Variants in FAM20C observed in about 807,000 individuals in gnomAD.
FAM20C encodes extracellular serine/threonine protein kinase FAM20C.
A neutral mutation model predicts 51.5 loss-of-function variants in FAM20C; 40 were observed. The ratio of observed to expected loss-of-function variants is 0.78; its 90% CI spans 0.60 to 1.01. The LOEUF (loss-of-function observed/expected upper bound fraction) is 1.01. Among genes scored for constraint, FAM20C ranks in the 50% least tolerant of loss-of-function variants. FAM20C has a pLI of 0.00. For synonymous variants in FAM20C, 406 were observed against 380.6 expected (o/e 1.07, Z -0.78); for missense variants, 861 against 844.7 (o/e 1.02, Z -0.24).
rs867472405 is a variant in FAM20C, at chr7:258,018, T to A, written c.1446-628T>A. Reference sequence around the variant, plus strand: ...CTGCCTGGGGTGCTGGAGATGGGGCTGGGTGGACCCACTGCCCGGGTGCTG... The same window carrying A: ...CTGCCTGGGGTGCTGGAGATGGGGCAGGGTGGACCCACTGCCCGGGTGCTG... On this transcript the variant is annotated intron_variant, in intron 8 of 9. Coordinates refer to ENST00000313766, the MANE Select transcript of FAM20C (RefSeq NM_020223.4). Among the ~76,000 whole-genome samples the A allele has an allele frequency of 3.0e-3, 44 of 14,744 alleles. 2 individuals are homozygous for A. Among genetic ancestry groups the A allele is most frequent in the African/African-American group, 0.011 (31 of 2,952 alleles). 9.7% of individuals were successfully genotyped at this position (14,744 alleles called of 152,430 possible). A position where few individuals can be genotyped will look rare whatever the true frequency, so the allele number is the denominator to read the frequency against.
At chr7:248,507 C>T in intron 5 of FAM20C, 77 bp downstream of exon 5, 1 of 1,162,726 alleles carries the variant, frequency 8.6e-7, no homozygotes, top group Non-Finnish European at 1.2e-6. Context: ...CTCCAGGTAG[C>T]CTGGCACGGG....
At chr7:258,777 G>A (rs1196401838) in intron 9 of FAM20C, 72 bp downstream of exon 9, 2 of 1,402,018 alleles carry the variant, frequency 1.4e-6, no homozygotes, top group Admixed American at 4.5e-5. Flanking sequence ...GGAGGCCACA[G>A]CCTTCCCCAC....
In FAM20C at chr7:257,873, T is replaced by TGGAGATGCCCG. The variant is rs1562401060; in HGVS notation, c.1446-771_1446-770insAGATGCCCGGG. On this transcript the variant is annotated intron_variant, in intron 8 of 9. Coordinates refer to ENST00000313766, the MANE Select transcript of FAM20C (RefSeq NM_020223.4). ...CTGCCTGGGGTGCTGGAGATGGGGC[T>TGGAGATGCCCG]GGGTGGACCCACTGCCCAGGATGCT... 7.5e-4 allele frequency among the ~76,000 whole-genome samples: 25 copies of TGGAGATGCCCG among 33,424 alleles called. 4 individuals are homozygous for TGGAGATGCCCG. Among genetic ancestry groups the TGGAGATGCCCG allele is most frequent in the East Asian group, 2.1e-3 (3 of 1,450 alleles). The allele number at this position is 33,424 out of a possible 152,430, so 21.9% of individuals were successfully genotyped here.
At chr7:231,621 G>T (rs1230988027) in intron 3 of FAM20C, among the ~76,000 whole-genome samples, 1 of 152,166 alleles carries the variant, frequency 6.6e-6, no homozygotes, top group African/African-American at 2.4e-5. Flanking sequence ...GTAAGCCCAA[G>T]TGTGGTCAGG....
intron 8 of FAM20C, among the ~76,000 whole-genome samples, 148 bp from the exon 9 acceptor site, chr7:258,480 ATGGGTGGGATGGACCCAC>A (rs1788736789): frequency 2.2e-5 from 3 of 137,432 alleles, no homozygotes; most frequent in Non-Finnish European, 3.1e-5. Flanking sequence ...GGTGCTGGAG[ATGGGTGGGATGGACCCAC>A]TGCCCGGGGT....
At chr7:257,727 C>T (rs138147527) in intron 8 of FAM20C, among the ~76,000 whole-genome samples, 2,703 of 142,792 alleles carry the variant, frequency 0.019, 110 homozygotes, top group African/African-American at 0.077. Flanking sequence ...TGGGGACAGG[C>T]GGGGTGGACC....
At chr7:220,408 G>T (rs898150195) in intron 3 of FAM20C, among the ~76,000 whole-genome samples, 1 of 105,592 alleles carries the variant, frequency 9.5e-6, no homozygotes, top group Middle Eastern at 4.4e-3. Context: ...TTAAATTCCC[G>T]GGGGGCGTGG....
chr7:203,270 C>T (rs1035454121), intron 2 of FAM20C, among the ~76,000 whole-genome samples: 3 of 152,258 alleles, frequency 2.0e-5, no homozygotes, highest in Admixed American at 2.0e-4. Flanking sequence ...CCGTCAGTCC[C>T]GTCCCCAGGA....
Position 193,451 on chromosome 7 carries a change from C to T in FAM20C, c.252C>T (p.Asn84=). The T allele has an allele frequency of 5.5e-6, 8 of 1,462,002 alleles. No individual in the cohort carries two copies. The highest frequency in any genetic ancestry group is 2.3e-5 in the Admixed American group (1 of 43,280). The allele number at this position is 1,462,002 out of a possible 1,614,324, so 90.6% of individuals were successfully genotyped here. ...CCGCCGGCGACGCGGGCTGGCCCAACAAGCACACGCTCCGCATCCTGCAGG... is the reference window on the plus strand; with the variant it reads ...CCGCCGGCGACGCGGGCTGGCCCAATAAGCACACGCTCCGCATCCTGCAGG... ...SSAAGDAGWP[N]KHTLRILQDF... Residue 84 remains asparagine, a synonymous_variant, in exon 1 of 10, where the codon AAC becomes AAT. Coordinates refer to ENST00000313766, the MANE Select transcript of FAM20C (RefSeq NM_020223.4).
At chr7:231,694 A>C (rs926370002) in intron 3 of FAM20C, among the ~76,000 whole-genome samples, 1 of 152,134 alleles carries the variant, frequency 6.6e-6, no homozygotes, top group Non-Finnish European at 1.5e-5. Flanking sequence ...AGCATCTGTG[A>C]GGGGCGCGTG....
intron 6 of FAM20C, 83 bp from the exon 7 acceptor site, chr7:256,569 AGT>A: frequency 9.0e-7 from 1 of 1,106,640 alleles, no homozygotes. Context: ...TCCCTGCCGC[AGT>A]GTTTCTCTTC....
chr7:230,900 G>A (rs749867695), intron 3 of FAM20C, among the ~76,000 whole-genome samples: 1 of 152,190 alleles, frequency 6.6e-6, no homozygotes, highest in Non-Finnish European at 1.5e-5. Context: ...GAAGGGAAAA[G>A]CGCCACATCA....
intron 2 of FAM20C, among the ~76,000 whole-genome samples, chr7:208,293 C>T (rs1786533577): frequency 6.6e-6 from 1 of 151,396 alleles, no homozygotes; most frequent in Admixed American, 6.6e-5. Flanking sequence ...GCACACCTGG[C>T]CGTCCCGTCG....
intron 2 of FAM20C, among the ~76,000 whole-genome samples, chr7:198,142 G>C (rs1277818555): frequency 1.3e-5 from 2 of 152,160 alleles, no homozygotes; most frequent in East Asian, 3.9e-4. Flanking sequence ...TTCTGGGGTG[G>C]GGACCCGTCC....
chr7:255,542 A>G (rs1788557165), intron 5 of FAM20C, among the ~76,000 whole-genome samples: 1 of 152,204 alleles, frequency 6.6e-6, no homozygotes, highest in African/African-American at 2.4e-5. Flanking sequence ...TTTCTTGACA[A>G]TATGAATGCA....
chr7:251,218 G>T (rs1451306973), intron 5 of FAM20C, among the ~76,000 whole-genome samples: 1 of 148,632 alleles, frequency 6.7e-6, no homozygotes, highest in Non-Finnish European at 1.5e-5. Context: ...GCACTGAGTG[G>T]CCGGGCACGG....
chr7:237,678 T>C (rs1787887932), intron 3 of FAM20C, among the ~76,000 whole-genome samples: 1 of 148,918 alleles, frequency 6.7e-6, no homozygotes, highest in African/African-American at 2.5e-5. Context: ...ATAGTGATGA[T>C]AGCCATGGGA....
Position 210,847 on chromosome 7 carries a change from G to A in FAM20C, c.863+1871G>A, listed in dbSNP as rs74608587. Among the ~76,000 whole-genome samples, 60 of 152,186 alleles carry A rather than the reference G, an allele frequency of 3.9e-4. 1 individual carries two copies. In the East Asian group the frequency reaches 9.7e-3, roughly 25 times the overall value. ...TGGTTGGAGAACGGTGACATTTACC[G>A]AGCCGCTGCTCTAACCCAGGCCCTG... is the stretch of plus-strand genomic sequence containing the variant. On this transcript the variant is annotated intron_variant, in intron 3 of 9. Transcript: ENST00000313766.
At chr7:259,063 G>A (rs1360826199) in intron 9 of FAM20C, among the ~76,000 whole-genome samples, 4 of 152,244 alleles carry the variant, frequency 2.6e-5, no homozygotes, top group African/African-American at 9.6e-5. Context: ...CTTCTGCGGG[G>A]GTTCAGACCC....
Sources: allele counts gnomAD v4.1 joint callset (sites outside exome capture counted in the v4.1 genomes callset), GRCh38; gene constraint gnomAD v4.1.1; transcripts MANE v1.5; gene names NCBI Gene and HGNC (gene_info 2026-07-23, HGNC 2026-07-21).